The following CSMD1 variants were observed in gnomAD, a reference collection of about 807,000 sequenced individuals.
CSMD1 encodes the protein CUB and Sushi multiple domains 1, also known as CUB and sushi domain-containing protein 1.
Under a neutral mutation model 417.5 loss-of-function variants are expected in CSMD1, and 213 were observed. The ratio of observed to expected loss-of-function variants is 0.51; its 90% CI spans 0.46 to 0.57. The LOEUF is 0.57. CSMD1 is among the 20% of genes least tolerant of loss of function. The pLI is 0.00. For synonymous variants in CSMD1, 2,862 were observed against 1,736.8 expected, an observed-to-expected ratio of 1.65 and a Z score of -16.11; for missense variants, 6,923 against 4,529.7, an observed-to-expected ratio of 1.53 and a Z score of -15.17.
intron 1 of CSMD1, among the ~76,000 whole-genome samples, chr8:4,956,553 A>G (rs1258245535): frequency 4.0e-5 from 6 of 149,796 alleles, no homozygotes; most frequent in Admixed American, 1.3e-4. Context: ...TGTGTATATC[A>G]TAACATATAA....
chr8:4,921,746 G>A (rs1217605927), intron 1 of CSMD1, among the ~76,000 whole-genome samples: 2 of 152,032 alleles, frequency 1.3e-5, no homozygotes. Context: ...GTTCCTTGTT[G>A]TTCTGAGTAA....
chr8:3,605,303 A>C (rs1801558384), intron 8 of CSMD1, among the ~76,000 whole-genome samples: 1 of 152,180 alleles, frequency 6.6e-6, no homozygotes. Flanking sequence ...AGCAATTCTT[A>C]CTGAAAAGAA....
chr8:4,668,443 ATT>A (rs1333866271), intron 1 of CSMD1, among the ~76,000 whole-genome samples: 10 of 145,492 alleles, frequency 6.9e-5, no homozygotes, highest in Non-Finnish European at 1.1e-4. Flanking sequence ...TATTATTATT[ATT>A]ATTATTATTA....
intron 52 of CSMD1, among the ~76,000 whole-genome samples, chr8:3,010,623 C>T (rs1808312069): frequency 6.6e-6 from 1 of 152,090 alleles, no homozygotes; most frequent in Non-Finnish European, 1.5e-5. Context: ...TGGAATTCCA[C>T]CCAGAATCAG....
intron 8 of CSMD1, among the ~76,000 whole-genome samples, chr8:3,610,940 C>G (rs1355728143): frequency 6.6e-6 from 1 of 151,822 alleles, no homozygotes; most frequent in African/African-American, 2.4e-5. Context: ...TCGCACCAGT[C>G]AAGCAACAGC....
intron 2 of CSMD1, among the ~76,000 whole-genome samples, chr8:4,595,662 G>A (rs951418716): frequency 2.0e-5 from 3 of 152,162 alleles, no homozygotes; most frequent in African/African-American, 7.2e-5. Context: ...AGCTACTGGG[G>A]AGGCTGAGGC....
chr8:4,308,377 G>T (rs149460605), intron 3 of CSMD1, among the ~76,000 whole-genome samples: 9 of 152,058 alleles, frequency 5.9e-5, no homozygotes, highest in African/African-American at 2.2e-4. Flanking sequence ...TGTGTTCTGT[G>T]CACAGTCTGT....
chr8:3,964,188 G>C (rs924070024), intron 5 of CSMD1, among the ~76,000 whole-genome samples: 2 of 152,034 alleles, frequency 1.3e-5, no homozygotes, highest in East Asian at 3.8e-4. Context: ...AACATTAAAG[G>C]CATTTATTTT....
intron 42 of CSMD1, among the ~76,000 whole-genome samples, chr8:3,113,937 G>C (rs1049652068): frequency 2.0e-5 from 3 of 152,104 alleles, no homozygotes; most frequent in Non-Finnish European, 2.9e-5. Context: ...ATTAAAACAG[G>C]CTGGCTGTTA....
chr8:4,909,205 T>C (rs1378528253), intron 1 of CSMD1, among the ~76,000 whole-genome samples: 2 of 152,188 alleles, frequency 1.3e-5, no homozygotes, highest in Non-Finnish European at 2.9e-5. Flanking sequence ...GGAGGCCTGT[T>C]GCTGTGGTAG....
chr8:4,866,993 G>T (rs1802456158), intron 1 of CSMD1, among the ~76,000 whole-genome samples: 2 of 151,912 alleles, frequency 1.3e-5, no homozygotes, highest in African/African-American at 4.8e-5. Flanking sequence ...TATTTCCTCA[G>T]CATATTACTA....
chr8:3,799,616 C>G (rs548950829), intron 5 of CSMD1, among the ~76,000 whole-genome samples: 1 of 151,502 alleles, frequency 6.6e-6, no homozygotes, highest in Non-Finnish European at 1.5e-5. Context: ...AAAGAAAGAC[C>G]CCATTTGGCT....
intron 1 of CSMD1, among the ~76,000 whole-genome samples, chr8:4,727,000 T>C (rs1809502591): frequency 6.6e-6 from 1 of 152,154 alleles, no homozygotes; most frequent in Non-Finnish European, 1.5e-5. Flanking sequence ...GAGACCCCTA[T>C]ATGTCATACT....
At chr8:4,488,857 T>C (rs1202848642) in intron 2 of CSMD1, among the ~76,000 whole-genome samples, 1 of 152,208 alleles carries the variant, frequency 6.6e-6, no homozygotes, top group Non-Finnish European at 1.5e-5. Context: ...CCTGTCCTTA[T>C]GATAAAACGA....
chr8:3,801,564 A>G (rs147343360), intron 5 of CSMD1, among the ~76,000 whole-genome samples: 104 of 152,230 alleles, frequency 6.8e-4, no homozygotes, highest in Admixed American at 2.0e-3. Context: ...CAGTTTTGCA[A>G]TTCCTCAAAT....
chr8:3,830,374 CA>C (rs1423899985), intron 5 of CSMD1, among the ~76,000 whole-genome samples: 1 of 152,194 alleles, frequency 6.6e-6, no homozygotes, highest in African/African-American at 2.4e-5. Flanking sequence ...TGCTTTCCCT[CA>C]AGGAGACGTT....
chr8:4,912,135 A>AAAAAAAAAAAAAAAG (rs765904838), intron 1 of CSMD1, among the ~76,000 whole-genome samples: 3,858 of 113,728 alleles, frequency 0.034, 96 homozygotes, highest in East Asian at 0.05. Flanking sequence ...AAAAAAAAAA[A>AAAAAAAAAAAAAAAG]AAAAAAGAAA....
chr8:4,015,676 A>AAG (rs1487372375), intron 4 of CSMD1, among the ~76,000 whole-genome samples: 1 of 151,162 alleles, frequency 6.6e-6, no homozygotes, highest in East Asian at 1.9e-4. Flanking sequence ...AAAAAAAAAA[A>AAG]AAAAAAACTC....
At chr8:4,279,356 C>G (rs548529876) in intron 3 of CSMD1, among the ~76,000 whole-genome samples, 1 of 152,272 alleles carries the variant, frequency 6.6e-6, no homozygotes, top group African/African-American at 2.4e-5. Flanking sequence ...AGGTGGCAAA[C>G]GGACATCTCA....
Sources: allele counts gnomAD v4.1 joint callset (sites outside exome capture counted in the v4.1 genomes callset), GRCh38; gene constraint gnomAD v4.1.1; transcripts MANE v1.5; gene names NCBI Gene and HGNC (gene_info 2026-07-23, HGNC 2026-07-21).